The following NCAM2 variants were observed in gnomAD, a reference collection of about 807,000 sequenced individuals.
NCAM2 encodes N-CAM-2.
NCAM2 carries 30 observed loss-of-function variants against 98.1 expected under a neutral mutation model. The ratio of observed to expected loss-of-function variants is 0.31; its 90% CI spans 0.23 to 0.41. The LOEUF (loss-of-function observed/expected upper bound fraction) is 0.41. Among genes scored for constraint, NCAM2 ranks in the 10% least tolerant of loss-of-function variants. The pLI, the probability that NCAM2 is intolerant of heterozygous loss-of-function variation, is 1.00. For synonymous variants in NCAM2, 368 were observed against 342.4 expected (o/e 1.07, Z -0.83); for missense variants, 867 against 1,005.8 (o/e 0.86, Z 1.87).
intron 1 of NCAM2, among the ~76,000 whole-genome samples, chr21:21,083,690 C>T (rs747950723): frequency 2.8e-4 from 43 of 152,110 alleles, no homozygotes; most frequent in Non-Finnish European, 5.0e-4. Flanking sequence ...GCTGGGATTA[C>T]AGATGTGAGC....
chr21:21,406,144 T>C (rs1359654730), intron 9 of NCAM2, among the ~76,000 whole-genome samples: 3 of 152,160 alleles, frequency 2.0e-5, no homozygotes. Flanking sequence ...TAGTCATTAT[T>C]ACTAACACAA....
intron 5 of NCAM2, among the ~76,000 whole-genome samples, chr21:21,318,305 A>C (rs988105699): frequency 1.3e-5 from 2 of 152,212 alleles, no homozygotes; most frequent in Non-Finnish European, 2.9e-5. Flanking sequence ...TATTGACTTG[A>C]GAGATCTTCC....
chr21:21,386,945 C>A (rs572479888), intron 9 of NCAM2, among the ~76,000 whole-genome samples: 1 of 152,250 alleles, frequency 6.6e-6, no homozygotes, highest in East Asian at 1.9e-4. Flanking sequence ...TGCTTTCTGT[C>A]CTTTCTCTGG....
At chr21:21,414,077 T>C (rs2076938768) in intron 10 of NCAM2, among the ~76,000 whole-genome samples, 1 of 152,184 alleles carries the variant, frequency 6.6e-6, no homozygotes, top group Non-Finnish European at 1.5e-5. Context: ...TCAGCAGGAG[T>C]AAATTCTACC....
intron 8 of NCAM2, among the ~76,000 whole-genome samples, chr21:21,342,671 C>G (rs2147895957): frequency 6.6e-6 from 1 of 152,210 alleles, no homozygotes; most frequent in East Asian, 1.9e-4. Flanking sequence ...ATATTGGTTA[C>G]AAACAAATTA....
intron 1 of NCAM2, among the ~76,000 whole-genome samples, chr21:21,078,595 A>G (rs185563347): frequency 1.1e-4 from 16 of 152,350 alleles, no homozygotes; most frequent in African/African-American, 3.8e-4. Flanking sequence ...GTGGGAATAT[A>G]AAGTAGTTCA....
At chr21:21,519,146 A>C (rs931015416) in intron 16 of NCAM2, among the ~76,000 whole-genome samples, 3 of 152,106 alleles carry the variant, frequency 2.0e-5, no homozygotes, top group African/African-American at 4.8e-5. Context: ...TCAGATTGGG[A>C]AATTATCTAG....
At chr21:21,450,806 ACACAC>A (rs1980934272) in intron 12 of NCAM2, among the ~76,000 whole-genome samples, 1 of 112,466 alleles carries the variant, frequency 8.9e-6, no homozygotes, top group Non-Finnish European at 2.0e-5. Flanking sequence ...ACACACACAC[ACACAC>A]ACACACACAC....
In NCAM2 at chr21:21,425,491, G is replaced by A. The variant is rs1300264665; in HGVS notation, c.1481-6617G>A. On this transcript the variant is annotated intron_variant, in intron 11 of 17. Transcript: ENST00000400546. Reference sequence around the variant, plus strand: ...GAATCTGGGTGTCCGTGAGTTGTGAGAAGAGTCAAGACATACTCATATTTG... The same window carrying A: ...GAATCTGGGTGTCCGTGAGTTGTGAAAAGAGTCAAGACATACTCATATTTG... 3.3e-5 allele frequency among the ~76,000 whole-genome samples: 5 copies of A among 152,220 alleles called. No individual in the cohort carries two copies. In the East Asian group the frequency reaches 9.7e-4, roughly 29 times the overall value.
intron 1 of NCAM2, among the ~76,000 whole-genome samples, chr21:21,118,174 T>A (rs147631689): frequency 1.9e-3 from 288 of 152,318 alleles, no homozygotes; most frequent in Non-Finnish European, 3.0e-3. Context: ...TTGGTAACCT[T>A]GATGCTCTTC....
chr21:21,114,687 G>A (rs1269934368), intron 1 of NCAM2, among the ~76,000 whole-genome samples: 2 of 152,118 alleles, frequency 1.3e-5, no homozygotes, highest in Admixed American at 1.3e-4. Flanking sequence ...TCTTTTTGGG[G>A]CCCTGTGGGG....
intron 1 of NCAM2, among the ~76,000 whole-genome samples, chr21:21,145,566 C>T (rs2408004): frequency 0.97 from 147,795 of 152,218 alleles, 71,884 homozygotes; most frequent in East Asian, 1. Context: ...TAGTTCCTTG[C>T]TGTTCTGCAA....
Position 21,534,510 on chromosome 21 carries a change from G to A in NCAM2, c.2283-27G>A, listed in dbSNP as rs763016900. 7 of 1,530,506 alleles carry A rather than the reference G, an allele frequency of 4.6e-6. No homozygotes were observed. The South Asian group carries it at 8.7e-5, about 19-fold the overall frequency. The allele number at this position is 1,530,506 out of a possible 1,614,324, so 94.8% of individuals were successfully genotyped here. ...ATGCATCCATTTTTAAATTACACAG[G>A]TGAGATGTTTCTCTTTATGTTTCTA... On this transcript the variant is annotated intron_variant, in intron 16 of 17. Transcript: ENST00000400546.
At chr21:21,483,693 G>A (rs1407458015) in intron 15 of NCAM2, among the ~76,000 whole-genome samples, 1 of 151,956 alleles carries the variant, frequency 6.6e-6, no homozygotes, top group African/African-American at 2.4e-5. Flanking sequence ...TAACCCTCTG[G>A]AATTTTCAGT....
At chr21:21,417,671 G>A (rs2145952613) in intron 10 of NCAM2, among the ~76,000 whole-genome samples, 1 of 152,116 alleles carries the variant, frequency 6.6e-6, no homozygotes, top group Non-Finnish European at 1.5e-5. Flanking sequence ...GTTTGTCTCA[G>A]TGTTCACCAA....
intron 17 of NCAM2, among the ~76,000 whole-genome samples, chr21:21,536,166 GT>G (rs1281889552): frequency 6.6e-6 from 1 of 151,760 alleles, no homozygotes. Context: ...TTGGTACAAT[GT>G]TTTTTAATGT....
chr21:21,032,947 T>TC (rs1345601091), intron 1 of NCAM2, among the ~76,000 whole-genome samples: 12 of 13,676 alleles, frequency 8.8e-4, no homozygotes, highest in South Asian at 4.3e-3. Flanking sequence ...TTTCTTTCTT[T>TC]TTTTTTTTTT....
At chr21:21,085,588 T>C (rs769888877) in intron 1 of NCAM2, among the ~76,000 whole-genome samples, 8 of 152,166 alleles carry the variant, frequency 5.3e-5, no homozygotes, top group Non-Finnish European at 8.8e-5. Flanking sequence ...CCATTCTAGC[T>C]GTCGTGGTTG....
chr21:21,486,883 G>T (rs2146296380), intron 15 of NCAM2, among the ~76,000 whole-genome samples: 1 of 152,198 alleles, frequency 6.6e-6, no homozygotes, highest in Non-Finnish European at 1.5e-5. Context: ...TTAAAGAGTT[G>T]TTTGTTAGAT....
Sources: gnomAD v4.1 joint callset for allele counts (sites outside exome capture counted in the v4.1 genomes callset) on GRCh38, gnomAD v4.1.1 for gene constraint, MANE v1.5 for transcripts, NCBI Gene and HGNC (gene_info 2026-07-23, HGNC 2026-07-21) for gene names.